The following ESM1 variants were observed in gnomAD, a reference collection of about 807,000 sequenced individuals.
The protein encoded by ESM1 is endothelial cell specific molecule 1, also known as endothelial cell-specific molecule 1.
ESM1 carries 7 observed loss-of-function variants against 14.9 expected under a neutral mutation model. The observed-to-expected ratio is 0.47, with a 90% CI of 0.27 to 0.88. The LOEUF (loss-of-function observed/expected upper bound fraction) is 0.88. Ranked by LOEUF, ESM1 falls within the 40% of genes least tolerant of loss-of-function variation. ESM1 has a pLI of 0.14. For missense variants in ESM1, 192 were observed against 237.9 expected (o/e 0.81, Z 1.27); for synonymous variants, 89 against 89.4 (o/e 1.00, Z 0.02).
chr5:54,982,176 G>T (rs755758596), intron 1 of ESM1, 30 bp from the exon 2 acceptor site: 4 of 1,609,478 alleles, frequency 2.5e-6, no homozygotes, highest in South Asian at 2.2e-5. Context: ...TGGAGAGGAC[G>T]CTGCTTGTTG....
In ESM1 at chr5:54,979,390, A is replaced by G. The variant is rs138338667; in HGVS notation, c.497T>C (p.Val166Ala). The G allele has an allele frequency of 9.2e-4, 1,488 of 1,613,770 alleles. 3 individuals are homozygous for G. The highest frequency in any genetic ancestry group is 1.1e-3 in the Non-Finnish European group (1,325 of 1,179,766). ...AGACCCGGCAGCATTCTCTTTCACA[A>G]CTTCTTCTCTCACAATATTGCCATC... ...SGDGNIVREE[V>A]VKENAAGSPV... The change falls in exon 3 of 3, where the codon GTT becomes GCT. Residue 166 changes from valine to alanine, a missense_variant. Val to Ala is a moderately conservative substitution (Grantham distance 64). Transcript: ENST00000381405.
chr5:54,983,331 G>A (rs552535181), intron 1 of ESM1, among the ~76,000 whole-genome samples: 8 of 152,308 alleles, frequency 5.3e-5, no homozygotes, highest in South Asian at 2.1e-4. Flanking sequence ...TGCCTGCAGC[G>A]ATATTGAAAA....
At chr5:54,983,022 T>C (rs535111486) in intron 1 of ESM1, among the ~76,000 whole-genome samples, 1 of 152,298 alleles carries the variant, frequency 6.6e-6, no homozygotes, top group South Asian at 2.1e-4. Flanking sequence ...GCCAGCAGAA[T>C]AGATATAGAA....
At chr5:54,981,551 C>T (rs774104696) in intron 2 of ESM1, among the ~76,000 whole-genome samples, 9 of 152,044 alleles carry the variant, frequency 5.9e-5, no homozygotes, top group Non-Finnish European at 7.4e-5. Context: ...AAAAAAGAAA[C>T]GTTCTATATT....
chr5:54,982,931 G>A (rs138188373), intron 1 of ESM1, among the ~76,000 whole-genome samples: 4 of 152,232 alleles, frequency 2.6e-5, no homozygotes, highest in East Asian at 1.9e-4. Flanking sequence ...GGACAAAGTC[G>A]TTTATTTAAA....
Position 54,985,534 on chromosome 5 carries a change from C to T in ESM1, c.-17G>A, listed in dbSNP as rs553863025. 3 of 1,573,928 alleles carry T rather than the reference C, an allele frequency of 1.9e-6. No individual in the cohort carries two copies. The highest frequency in any genetic ancestry group is 2.3e-5 in the East Asian group (1 of 44,292). ...GCTCTTCATGTTTCCCAGCTGCCTC[C>T]GGCTCGGCTCTCCAGTCGTGGTCTT... On this transcript the variant is annotated 5_prime_UTR_variant, in exon 1 of 3. Coordinates refer to ENST00000381405, the MANE Select transcript of ESM1 (RefSeq NM_007036.5).
chr5:54,982,451 T>C (rs977208117), intron 1 of ESM1, among the ~76,000 whole-genome samples: 5 of 152,188 alleles, frequency 3.3e-5, no homozygotes, highest in African/African-American at 9.6e-5. Flanking sequence ...TCTGCTTAGA[T>C]ACCAATAAAT....
rs10557410 is a variant in ESM1, at chr5:54,978,828, C to CAAAAAA, written c.*498_*503dup. 7.7e-6 allele frequency: 1 copy of CAAAAAA among 130,514 alleles called. No homozygotes were observed. 8.1% of individuals were successfully genotyped at this position (130,514 alleles called of 1,614,324 possible). A position where few individuals can be genotyped will look rare whatever the true frequency, so the allele number is the denominator to read the frequency against. On this transcript the variant is annotated 3_prime_UTR_variant, in exon 3 of 3. Coordinates refer to ENST00000381405, the MANE Select transcript of ESM1 (RefSeq NM_007036.5). ...GTTTTATTTTGACTTTTCCCAAAGC[C>CAAAAAA]AAAAAAAAAAAAAAAAGCACAATTA...
chr5:54,982,183 G>T (rs1170034764), intron 1 of ESM1, 37 bp from the exon 2 acceptor site: 2 of 1,607,986 alleles, frequency 1.2e-6, no homozygotes, highest in Non-Finnish European at 8.5e-7. Flanking sequence ...GACGCTGCTT[G>T]TTGTAAATAC....
chr5:54,983,373 T>C (rs999368772), intron 1 of ESM1, among the ~76,000 whole-genome samples: 1 of 152,216 alleles, frequency 6.6e-6, no homozygotes, highest in African/African-American at 2.4e-5. Context: ...CAGAGATACT[T>C]CTAGTGTATC....
intron 2 of ESM1, among the ~76,000 whole-genome samples, chr5:54,980,180 A>G (rs1168343861): frequency 6.6e-6 from 1 of 152,146 alleles, no homozygotes; most frequent in Non-Finnish European, 1.5e-5. Context: ...CAACTTGGGA[A>G]GCTCACTGCC....
Position 54,979,444 on chromosome 5 carries a change from A to G in ESM1, c.452-9T>C, listed in dbSNP as rs1580278662. The G allele has an allele frequency of 3.8e-6, 6 of 1,577,116 alleles. No homozygotes were observed. Among genetic ancestry groups the G allele is most frequent in the Non-Finnish European group, 5.2e-6 (6 of 1,146,490 alleles). ...AGATGCCATGTCATGCTCTGAAAGTAGACGGAATACAAATCATGTCCAAAC... is the reference window on the plus strand; with the variant it reads ...AGATGCCATGTCATGCTCTGAAAGTGGACGGAATACAAATCATGTCCAAAC... On this transcript the variant is annotated splice_polypyrimidine_tract_variant and intron_variant, in intron 2 of 2. Transcript: ENST00000381405.
rs774807270 is a variant in ESM1, at chr5:54,979,368, C to G, written c.519G>C (p.Gly173=). The G allele has an allele frequency of 6.2e-7, 1 of 1,613,854 alleles. No individual in the cohort carries two copies. The highest frequency in any genetic ancestry group is 1.7e-5 in the Admixed American group (1 of 60,016). Reference sequence around the variant, plus strand: ...TTAACCATTTCCTCATTACGGGAGACCCGGCAGCATTCTCTTTCACAACTT... The same window carrying G: ...TTAACCATTTCCTCATTACGGGAGAGCCGGCAGCATTCTCTTTCACAACTT... ...REEVVKENAA[G]SPVMRKWLNP... Residue 173 remains glycine, a synonymous_variant, in exon 3 of 3, where the codon GGG becomes GGC. Coordinates refer to ENST00000381405, the MANE Select transcript of ESM1 (RefSeq NM_007036.5).
At position 54,979,131 on chromosome 5, in the gene ESM1, A is replaced by G. The variant is rs1369602513; in HGVS notation, c.*201T>C. 9.5e-6 allele frequency: 5 copies of G among 528,532 alleles called. No individual in the cohort carries two copies. Among genetic ancestry groups the G allele is most frequent in the Non-Finnish European group, 1.7e-5 (5 of 296,408 alleles). The allele number at this position is 528,532 out of a possible 1,614,324, so 32.7% of individuals were successfully genotyped here. A position where few individuals can be genotyped will look rare whatever the true frequency, so the allele number is the denominator to read the frequency against. On this transcript the variant is annotated 3_prime_UTR_variant, in exon 3 of 3. Transcript: ENST00000381405. The stretch of plus-strand genomic sequence containing the variant: ...AAATCTACATGCATTCGAATATTTA[A>G]CAAACACATACAAGTGTTCAGTCAT...
intron 2 of ESM1, 35 bp from the exon 3 acceptor site, chr5:54,979,470 A>G (rs762739188): frequency 7.3e-7 from 1 of 1,365,408 alleles, no homozygotes; most frequent in South Asian, 1.2e-5. Context: ...ATGTCCAAAC[A>G]TCTATAGCTC....
At chr5:54,983,379 G>A (rs1274022414) in intron 1 of ESM1, among the ~76,000 whole-genome samples, 1 of 152,236 alleles carries the variant, frequency 6.6e-6, no homozygotes, top group Non-Finnish European at 1.5e-5. Flanking sequence ...TACTTCTAGT[G>A]TATCCCCTGA....
At chr5:54,981,307 C>T (rs2112248591) in intron 2 of ESM1, among the ~76,000 whole-genome samples, 1 of 152,264 alleles carries the variant, frequency 6.6e-6, no homozygotes, top group Admixed American at 6.5e-5. Flanking sequence ...CTCTCCTGTA[C>T]TGGCCAGCTA....
At chr5:54,980,363 G>A (rs926224419) in intron 2 of ESM1, among the ~76,000 whole-genome samples, 3 of 152,210 alleles carry the variant, frequency 2.0e-5, no homozygotes, top group African/African-American at 7.2e-5. Flanking sequence ...ACAGGTTTGT[G>A]CAGAGGTGAT....
At chr5:54,982,227 T>G (rs1048400888) in intron 1 of ESM1, 81 bp from the exon 2 acceptor site, 3 of 1,433,322 alleles carry the variant, frequency 2.1e-6, no homozygotes, top group Admixed American at 4.1e-5. Context: ...TGCATAGCCT[T>G]GCGATTTGAA....
Sources: allele counts gnomAD v4.1 joint callset (sites outside exome capture counted in the v4.1 genomes callset), GRCh38; gene constraint gnomAD v4.1.1; transcripts MANE v1.5; gene names NCBI Gene and HGNC (gene_info 2026-07-23, HGNC 2026-07-21).